ACHE: variants seen among roughly 807,000 people sequenced by gnomAD.
The protein encoded by ACHE is acetylcholinesterase (Yt blood group), also known as acetylcholinesterase.
A neutral mutation model predicts 53.9 loss-of-function variants in ACHE; 19 were observed. The ratio of observed to expected loss-of-function variants is 0.35; its 90% confidence interval spans 0.25 to 0.52. ACHE has a LOEUF of 0.52. ACHE is among the 20% of genes least tolerant of loss of function. The pLI is 0.95. For synonymous variants in ACHE, 392 were observed against 378.1 expected (o/e 1.04, Z -0.43); for missense variants, 605 against 849.4 (o/e 0.71, Z 3.58).
In ACHE at chr7:100,894,109, T is replaced by C; in HGVS notation, c.124A>G (p.Thr42Ala). Residue 42 changes from threonine to alanine, a missense_variant, in exon 2 of 5, where the codon ACG becomes GCG. Thr to Ala is a moderately conservative substitution (Grantham distance 58). This residue lies in a region of ACHE where 89 missense variants were observed against 78.9 expected (regional missense o/e 1.13). Coordinates refer to ENST00000241069, the MANE Select transcript of ACHE (RefSeq NM_000665.5). ...CCCCGCAGCCGGCCCCCACGCACCG[T>C]CACCAGCAGCTCTGCATCCTCCCGG... Reference protein sequence around the residue: ...EGREDAELLVTVRGGRLRGIR... With the variant: ...EGREDAELLVAVRGGRLRGIR... The C allele has an allele frequency of 6.6e-7, 1 of 1,508,662 alleles. No homozygotes were observed. Among genetic ancestry groups the C allele is most frequent in the East Asian group, 2.3e-5 (1 of 42,988 alleles). 93.5% of individuals were successfully genotyped at this position (1,508,662 alleles called of 1,614,324 possible).
upstream of ACHE, chr7:100,896,596 G>A (rs1411198347): frequency 1.5e-5 from 4 of 267,734 alleles, no homozygotes. Flanking sequence ...AGGCTGCTGG[G>A]CGAGGCCGCA....
Position 100,892,341 on chromosome 7 carries a change from G to A in ACHE, c.1546C>T (p.Arg516Cys). 6.6e-7 allele frequency: 1 copy of A among 1,511,490 alleles called. No individual in the cohort carries two copies. The highest frequency in any genetic ancestry group is 8.9e-7 in the Non-Finnish European group (1 of 1,127,946). 93.6% of individuals were successfully genotyped at this position (1,511,490 alleles called of 1,614,324 possible). The change falls in exon 3 of 5, where the codon CGC (arginine) becomes TGC (cysteine). Residue 516 changes from arginine (R) to cysteine (C), a missense_variant. Coordinates refer to ENST00000241069, the MANE Select transcript of ACHE (RefSeq NM_000665.5). The surrounding 1 kb of genome is among the most constrained non-coding windows in gnomAD (Gnocchi z 5.2). ...RLMRYWANFA[R>C]TGDPNEPRDP... ...TCCCTCTGCACTGCTGACCCTGTGCGGGCAAAGTTGGCCCAGTATCGCATC... is the reference window on the plus strand; with the variant it reads ...TCCCTCTGCACTGCTGACCCTGTGCAGGCAAAGTTGGCCCAGTATCGCATC...
rs571900024 is a variant in ACHE at position 100,894,224 on chromosome 7, G to A, written c.9C>T (p.Pro3=). MR[P]PQCLLHTPSL... ...AAGGCGTGTGCAGCAGACACTGCGG[G>A]GGCCTCATGGCTGCAGGGCAGGCGG... Residue 3 remains proline (P), a synonymous_variant, in exon 2 of 5, where the codon CCC becomes CCT. Coordinates refer to ENST00000241069, the MANE Select transcript of ACHE (RefSeq NM_000665.5). The A allele has an allele frequency of 9.5e-5, 137 of 1,447,540 alleles. No individual in the cohort carries two copies. In the East Asian group the frequency reaches 3.3e-3, roughly 35 times the overall value. The allele number at this position is 1,447,540 out of a possible 1,614,324, so 89.7% of individuals were successfully genotyped here.
At position 100,895,154 on chromosome 7, in the gene ACHE, G is replaced by C. The variant is rs1005910887; in HGVS notation, c.-21+648C>G. 2.6e-5 allele frequency among the ~76,000 whole-genome samples: 4 copies of C among 152,102 alleles called. No homozygotes were observed. In the East Asian group the frequency reaches 5.8e-4, roughly 22 times the overall value. On this transcript the variant is annotated intron_variant, in intron 1 of 4. Coordinates refer to ENST00000241069, the MANE Select transcript of ACHE (RefSeq NM_000665.5). ...GGGCGCTATTTTGGGGGCAGCAGCT[G>C]CTACGGTTCCGGCATCTCCAGCCAA...
chr7:100,891,927 C>T (rs1440548180), intron 3 of ACHE, among the ~76,000 whole-genome samples: 8 of 151,772 alleles, frequency 5.3e-5, no homozygotes, highest in South Asian at 2.1e-4. Context: ...ACTAGAGGCA[C>T]GAGCCACCGT....
chr7:100,890,381 G>T, intron 4 of ACHE, 46 bp from the exon 5 acceptor site: 1 of 1,582,228 alleles, frequency 6.3e-7, no homozygotes, highest in South Asian at 1.1e-5. Context: ...GACGGCACGA[G>T]GAAGGTCGGG....
In ACHE at chr7:100,890,327, C is replaced by G. The variant is rs763098505; in HGVS notation, c.1732G>C (p.Asp578His). 6.2e-7 allele frequency: 1 copy of G among 1,604,306 alleles called. No homozygotes were observed. Among genetic ancestry groups the G allele is most frequent in the Non-Finnish European group, 8.5e-7 (1 of 1,175,284 alleles). The change falls in exon 5 of 5, where the codon GAC becomes CAC. Residue 578 changes from aspartate (D) to histidine (H), a missense_variant. Around this residue, in one of 4 missense-constraint regions of ACHE, gnomAD observed 28 missense variants for 54.8 expected, o/e 0.51. Coordinates refer to ENST00000241069, the MANE Select transcript of ACHE (RefSeq NM_000665.5). Reference sequence around the variant, plus strand: ...GCCTTCCACTGGCGCTCCGCCTCGTCGAGCGTGTCTGCGGCCAGGGCGCCC... The same window carrying G: ...GCCTTCCACTGGCGCTCCGCCTCGTGGAGCGTGTCTGCGGCCAGGGCGCCC... Reference protein sequence around the residue: ...PKLLSATDTLDEAERQWKAEF... With the variant: ...PKLLSATDTLHEAERQWKAEF...
intron 3 of ACHE, among the ~76,000 whole-genome samples, chr7:100,891,591 CTT>C (rs1790701653): frequency 6.6e-6 from 1 of 152,134 alleles, no homozygotes; most frequent in South Asian, 2.1e-4. Context: ...TGTCTTGAGA[CTT>C]TCCTAAATAA....
At position 100,894,555 on chromosome 7, in the gene ACHE, G is replaced by A. The variant is rs901475382; in HGVS notation, c.-20-303C>T. ...CCTCACCTCTTCCCGGAACTGGGCC[G>A]GGCCCAGCTCGTGCAGTGAGGGCAC... On this transcript the variant is annotated intron_variant, in intron 1 of 4. Coordinates refer to ENST00000241069, the MANE Select transcript of ACHE (RefSeq NM_000665.5). Among the ~76,000 whole-genome samples the A allele has an allele frequency of 2.6e-5, 4 of 152,218 alleles. No individual in the cohort carries two copies. The East Asian group carries it at 5.8e-4, about 22-fold the overall frequency.
chr7:100,896,865 G>A (rs1791061220), upstream of ACHE: 1 of 165,268 alleles, frequency 6.1e-6, no homozygotes, highest in African/African-American at 2.4e-5. Context: ...GGCTGCTGCA[G>A]CGGGGTCCCC....
chr7:100,894,082 T>G lies in ACHE; in HGVS notation c.151A>C (p.Ile51Leu). 6.5e-7 allele frequency: 1 copy of G among 1,540,894 alleles called. No homozygotes were observed. Residue 51 changes from isoleucine (I) to leucine (L), a missense_variant, in exon 2 of 5, where the codon ATT becomes CTT. Physicochemically the swap from Ile to Leu is conservative, Grantham distance 5. Transcript: ENST00000241069. ...GGGCCCCCGGGGGTCTTCAGGCGAA[T>G]GCCCCGCAGCCGGCCCCCACGCACC... is the stretch of plus-strand genomic sequence containing the variant. The part of the protein sequence containing the change: ...VTVRGGRLRG[I>L]RLKTPGGPVS...
intron 3 of ACHE, 110 bp from the exon 4 acceptor site, chr7:100,891,448 C>A: frequency 9.2e-7 from 1 of 1,088,294 alleles, no homozygotes; most frequent in Admixed American, 3.5e-5. Flanking sequence ...GAGAACCCGT[C>A]CCCTCCCTCC....
Position 100,891,150 on chromosome 7 carries a change from CCCGCTGG to C in ACHE, c.1723+12_1723+18del. The C allele has an allele frequency of 1.3e-6, 2 of 1,587,560 alleles. No individual in the cohort carries two copies. The highest frequency in any genetic ancestry group is 1.7e-6 in the Non-Finnish European group (2 of 1,168,024). ...CCCACTCCCCTCCTCCCAGCCGCTGCCCGCTGGCCCCTGCATACCGGTGGCGCTGAGC... is the reference window on the plus strand; with the variant it reads ...CCCACTCCCCTCCTCCCAGCCGCTGCCCCCTGCATACCGGTGGCGCTGAGC... On this transcript the variant is annotated intron_variant, in intron 4 of 4. Coordinates refer to ENST00000241069, the MANE Select transcript of ACHE (RefSeq NM_000665.5).
intron 4 of ACHE, chr7:100,890,583 A>G: frequency 7.3e-7 from 1 of 1,372,626 alleles, no homozygotes. Context: ...AATGACCGGA[A>G]GACGGGAACA....
upstream of ACHE, chr7:100,896,789 C>T: frequency 3.5e-6 from 1 of 284,822 alleles, no homozygotes; most frequent in South Asian, 2.5e-5. Flanking sequence ...CCAGCCTGCT[C>T]CGAGGGGCCT....
At chr7:100,894,338 A>G in intron 1 of ACHE, 86 bp from the exon 2 acceptor site, 1 of 944,166 alleles carries the variant, frequency 1.1e-6, no homozygotes, top group South Asian at 2.6e-5. Flanking sequence ...CCCAAGGGTT[A>G]TCGCTCAGCT....
chr7:100,890,826 TG>T, intron 4 of ACHE: 1 of 1,404,432 alleles, frequency 7.1e-7, no homozygotes, highest in South Asian at 1.8e-5. Context: ...CCTCCTGCCC[TG>T]TCCAGTGTGA....
chr7:100,891,386 T>C, intron 3 of ACHE, 48 bp from the exon 4 acceptor site: 1 of 1,483,572 alleles, frequency 6.7e-7, no homozygotes, highest in Non-Finnish European at 8.9e-7. Context: ...TGGGAGGAGG[T>C]GGCCCCCAAC....
chr7:100,893,654 C>G lies in ACHE; in HGVS notation c.579G>C (p.Pro193=). ...RVGAFGFLAL[P]GSREAPGNVG... ...CATTGCCCGGGGCCTCTCGGCTCCC[C>G]GGCAGGGCCAGGAAGCCAAAGGCTC... The change falls in exon 2 of 5, where the codon CCG becomes CCC. Residue 193 remains proline (P), a synonymous_variant. Coordinates refer to ENST00000241069, the MANE Select transcript of ACHE (RefSeq NM_000665.5). 6.2e-7 allele frequency: 1 copy of G among 1,613,232 alleles called. No homozygotes were observed. The highest frequency in any genetic ancestry group is 8.5e-7 in the Non-Finnish European group (1 of 1,180,022).
Sources: gnomAD v4.1 joint callset for allele counts (sites outside exome capture counted in the v4.1 genomes callset) on GRCh38, gnomAD v4.1.1 for gene constraint, gnomAD v4.1.1 regional missense constraint, Gnocchi (gnomAD v3.1) non-coding constraint, MANE v1.5 for transcripts, NCBI Gene and HGNC (gene_info 2026-07-23, HGNC 2026-07-21) for gene names.